ASB3: variants seen among roughly 807,000 people sequenced by gnomAD.
ASB3 encodes ankyrin repeat and SOCS box protein 3.
ASB3 carries 41 observed loss-of-function variants against 54.5 expected under a neutral mutation model. The observed-to-expected ratio is 0.75, with a 90% confidence interval of 0.59 to 0.98. The LOEUF is 0.98. Among genes scored for constraint, ASB3 ranks in the 50% least tolerant of loss-of-function variants. ASB3 has a pLI of 0.00. For missense variants in ASB3, 733 were observed against 620.0 expected, an observed-to-expected ratio of 1.18 and a Z score of -1.94; for synonymous variants, 266 against 221.2, an observed-to-expected ratio of 1.20 and a Z score of -1.80.
At chr2:53,746,652 G>T (rs191349378) in intron 3 of ASB3, among the ~76,000 whole-genome samples, 1 of 151,908 alleles carries the variant, frequency 6.6e-6, no homozygotes, top group African/African-American at 2.4e-5. Flanking sequence ...CTAATTTTTT[G>T]TATTTTTAGT....
intron 3 of ASB3, among the ~76,000 whole-genome samples, chr2:53,749,900 G>C (rs993902108): frequency 6.6e-6 from 1 of 151,882 alleles, no homozygotes; most frequent in African/African-American, 2.4e-5. Context: ...TCACAGAACT[G>C]TTATATTAAA....
intron 5 of ASB3, among the ~76,000 whole-genome samples, chr2:53,720,453 G>GA (rs1438745651): frequency 6.6e-6 from 1 of 151,888 alleles, no homozygotes; most frequent in Non-Finnish European, 1.5e-5. Flanking sequence ...TTCTATTCAA[G>GA]AAAAAATTAT....
chr2:53,680,465 GT>G (rs1359462684), intron 9 of ASB3, among the ~76,000 whole-genome samples: 2 of 152,078 alleles, frequency 1.3e-5, no homozygotes, highest in Non-Finnish European at 2.9e-5. Flanking sequence ...TCTCATTGTG[GT>G]TTTGATTTGG....
At chr2:53,680,160 T>C (rs936248134) in intron 9 of ASB3, among the ~76,000 whole-genome samples, 1 of 152,204 alleles carries the variant, frequency 6.6e-6, no homozygotes, top group African/African-American at 2.4e-5. Flanking sequence ...GGCATTTAGG[T>C]TGATTCCATG....
At chr2:53,775,259 A>G (rs930070998) in intron 1 of ASB3, 2 of 152,644 alleles carry the variant, frequency 1.3e-5, no homozygotes, top group African/African-American at 2.4e-5. Context: ...ATGGGCTGAT[A>G]CTACAAATTA....
intron 3 of ASB3, among the ~76,000 whole-genome samples, chr2:53,731,378 G>A (rs551445753): frequency 6.6e-6 from 1 of 152,176 alleles, no homozygotes; most frequent in East Asian, 1.9e-4. Flanking sequence ...CTGCACTCCA[G>A]CCTGGGCGAC....
chr2:53,722,652 A>G (rs1466683931), intron 5 of ASB3, among the ~76,000 whole-genome samples: 2 of 152,128 alleles, frequency 1.3e-5, no homozygotes, highest in Non-Finnish European at 2.9e-5. Flanking sequence ...CAAAACAAAC[A>G]AAACAAAACC....
intron 9 of ASB3, among the ~76,000 whole-genome samples, chr2:53,677,313 G>A (rs1040719248): frequency 2.0e-5 from 3 of 152,104 alleles, no homozygotes; most frequent in Non-Finnish European, 2.9e-5. Flanking sequence ...CTGTATCCCC[G>A]TTGTTAATAC....
chr2:53,697,542 G>A (rs773230491), intron 8 of ASB3, among the ~76,000 whole-genome samples: 18 of 152,050 alleles, frequency 1.2e-4, no homozygotes, highest in Non-Finnish European at 2.1e-4. Flanking sequence ...ATAGATTTTG[G>A]TATCTGAGGG....
intron 7 of ASB3, among the ~76,000 whole-genome samples, chr2:53,705,172 G>C (rs1263478222): frequency 1.3e-5 from 2 of 152,056 alleles, no homozygotes; most frequent in Admixed American, 6.6e-5. Flanking sequence ...TCCTAAAACA[G>C]ATATTTTGAG....
At chr2:53,716,373 A>T (rs995255258) in intron 6 of ASB3, among the ~76,000 whole-genome samples, 193 bp downstream of exon 6, 22 of 152,096 alleles carry the variant, frequency 1.4e-4, no homozygotes, top group African/African-American at 5.1e-4. Context: ...CTGCCTCACA[A>T]TATGAAAGTG....
intron 5 of ASB3, among the ~76,000 whole-genome samples, chr2:53,726,461 A>G (rs1006796311): frequency 6.6e-6 from 1 of 151,654 alleles, no homozygotes; most frequent in Middle Eastern, 3.4e-3. Flanking sequence ...GGGTTTCACC[A>G]TGTTGTCCAG....
chr2:53,721,738 G>C (rs1358680676), intron 5 of ASB3, among the ~76,000 whole-genome samples: 3 of 152,006 alleles, frequency 2.0e-5, no homozygotes, highest in African/African-American at 7.2e-5. Flanking sequence ...ATCTAGCTCA[G>C]AAAGAAAGAT....
At chr2:53,683,227 T>C (rs1668468817) in intron 9 of ASB3, among the ~76,000 whole-genome samples, 1 of 152,222 alleles carries the variant, frequency 6.6e-6, no homozygotes, top group Non-Finnish European at 1.5e-5. Flanking sequence ...AATGATCATA[T>C]GGGTTTTGTC....
intron 7 of ASB3, among the ~76,000 whole-genome samples, chr2:53,713,486 G>A (rs892199953): frequency 2.6e-5 from 4 of 152,168 alleles, no homozygotes; most frequent in Non-Finnish European, 4.4e-5. Context: ...GAGTGTTATA[G>A]ACAAAGTTAC....
chr2:53,735,461 A>C (rs1322694190), intron 3 of ASB3, among the ~76,000 whole-genome samples: 2 of 149,810 alleles, frequency 1.3e-5, no homozygotes, highest in Non-Finnish European at 3.0e-5. Context: ...AAACTACAAA[A>C]TACTACTGAG....
chr2:53,712,951 A>T (rs953973632), intron 7 of ASB3, among the ~76,000 whole-genome samples: 1 of 152,246 alleles, frequency 6.6e-6, no homozygotes, highest in East Asian at 1.9e-4. Flanking sequence ...TTAACGGGGT[A>T]CACAAGAAAA....
chr2:53,765,646 G>T, intron 1 of ASB3, 61 bp from the exon 2 acceptor site: 1 of 1,596,142 alleles, frequency 6.3e-7, no homozygotes, highest in Non-Finnish European at 8.6e-7. Flanking sequence ...ACTCCTAGAG[G>T]TCAGCAAATC....
chr2:53,704,579 T>C (rs1051581541), intron 7 of ASB3, among the ~76,000 whole-genome samples: 1 of 152,170 alleles, frequency 6.6e-6, no homozygotes, highest in African/African-American at 2.4e-5. Context: ...ACACTGGTTA[T>C]ATGACCCTCT....
Sources: gnomAD v4.1 joint callset for allele counts (sites outside exome capture counted in the v4.1 genomes callset) on GRCh38, gnomAD v4.1.1 for gene constraint, MANE v1.5 for transcripts, NCBI Gene and HGNC (gene_info 2026-07-23, HGNC 2026-07-21) for gene names.